Variants in PLXNB2 observed in about 807,000 individuals in gnomAD.
PLXNB2 encodes the protein plexin-B2.
In PLXNB2, 85 loss-of-function variants were observed where a neutral mutation model predicts 202.6. That is an observed-to-expected ratio of 0.42 (90% CI 0.35 to 0.50). The LOEUF is 0.50. Ranked by LOEUF, PLXNB2 falls within the 20% of genes least tolerant of loss-of-function variation. The pLI is 0.02. For missense variants in PLXNB2, 2,063 were observed against 2,586.2 expected, an observed-to-expected ratio of 0.80 and a Z score of 4.39; for synonymous variants, 1,239 against 1,137.6, an observed-to-expected ratio of 1.09 and a Z score of -1.79.
intron 31 of PLXNB2, 49 bp from the exon 32 acceptor site, chr22:50,278,062 G>A (rs1054417427): frequency 3.8e-6 from 6 of 1,599,630 alleles, no homozygotes; most frequent in Non-Finnish European, 5.1e-6. Context: ...GGCTCCTGGG[G>A]GGGAGGGTCT....
chr22:50,297,441 TCCCTGGCC>T lies in PLXNB2; in HGVS notation c.-73-2671_-73-2664del, dbSNP rs1354483863. 7.9e-5 allele frequency among the ~76,000 whole-genome samples: 12 copies of T among 152,156 alleles called. No individual in the cohort carries two copies. Among genetic ancestry groups the T allele is most frequent in the African/African-American group, 2.4e-4 (10 of 41,438 alleles). ...TGGAGGAGGCTTTCTGCCGTCCTCT[TCCCTGGCC>T]CTCACCGTGGAGAACGGCCATGGAT... On this transcript the variant is annotated intron_variant, in intron 1 of 36. Transcript: ENST00000359337. The surrounding 1 kb of genome is among the most constrained non-coding windows in gnomAD (Gnocchi z 5.3).
At chr22:50,282,467 C>G (rs1363811328) in intron 18 of PLXNB2, 154 bp from the exon 19 acceptor site, 1 of 813,390 alleles carries the variant, frequency 1.2e-6, no homozygotes, top group Admixed American at 2.9e-5. Flanking sequence ...GTGGGACGTG[C>G]TGAGCACGAG....
intron 35 of PLXNB2, among the ~76,000 whole-genome samples, chr22:50,276,357 C>G (rs964495907): frequency 1.8e-3 from 43 of 24,256 alleles, no homozygotes; most frequent in African/African-American, 2.8e-3. Context: ...GCCGAGGGTG[C>G]AGCCGCAGGG....
chr22:50,285,924 G>A (rs755736981), intron 10 of PLXNB2, 23 bp from the exon 11 acceptor site: 2 of 1,608,148 alleles, frequency 1.2e-6, no homozygotes, highest in Admixed American at 1.7e-5. Context: ...GGCTGGTCAG[G>A]TGCTGCCTGG....
chr22:50,307,383 C>T (rs955536863), intron 1 of PLXNB2, among the ~76,000 whole-genome samples, 170 bp downstream of exon 1: 17 of 151,386 alleles, frequency 1.1e-4, no homozygotes, highest in Non-Finnish European at 2.4e-4. Context: ...CGGGCCTCGC[C>T]GGATGGACCG....
rs758772028 is a variant in PLXNB2 at position 50,283,708 on chromosome 22, T to C, written c.2464A>G (p.Thr822Ala). ...ACGCCCAAATTGGACCCCAGGATGGTGATGCGGATGCCCCCACCCAGGGGG... is the reference window on the plus strand; with the variant it reads ...ACGCCCAAATTGGACCCCAGGATGGCGATGCGGATGCCCCCACCCAGGGGG... ...TGPLGGGIRI[T>A]ILGSNLGVQA... Residue 822 changes from threonine to alanine, a missense_variant, in exon 15 of 37, where the codon ACC (threonine) becomes GCC (alanine). Coordinates refer to ENST00000359337, the MANE Select transcript of PLXNB2 (RefSeq NM_012401.4). 1.2e-6 allele frequency: 2 copies of C among 1,612,402 alleles called. No homozygotes were observed. Among genetic ancestry groups the C allele is most frequent in the Admixed American group, 3.3e-5 (2 of 59,936 alleles).
intron 2 of PLXNB2, among the ~76,000 whole-genome samples, chr22:50,292,751 G>C (rs1339303091): frequency 6.6e-6 from 1 of 152,186 alleles, no homozygotes; most frequent in Non-Finnish European, 1.5e-5. Context: ...CCCCCGTTCT[G>C]ATTGCCCGCA....
chr22:50,290,441 C>T lies in PLXNB2; in HGVS notation c.144G>A (p.Leu48=), dbSNP rs1327908400. Residue 48 remains leucine (L), a synonymous_variant, in exon 3 of 37, where the codon CTG becomes CTA. Transcript: ENST00000359337. The stretch of plus-strand genomic sequence containing the variant: ...GCTGGTAGAGGGCATTCACCGCCCC[C>T]AGGTACACCACGCCTGAGGCCTCAT... ...AVDEASGVVY[L]GAVNALYQLD... The T allele has an allele frequency of 6.2e-7, 1 of 1,612,842 alleles. No individual in the cohort carries two copies. The highest frequency in any genetic ancestry group is 8.5e-7 in the Non-Finnish European group (1 of 1,180,008).
intron 11 of PLXNB2, among the ~76,000 whole-genome samples, chr22:50,285,242 C>A (rs1249799863): frequency 2.4e-5 from 3 of 125,122 alleles, no homozygotes; most frequent in African/African-American, 9.4e-5. Flanking sequence ...TGCCTGTCAC[C>A]GGCCGGCACC....
At chr22:50,301,725 G>A (rs1363019749) in intron 1 of PLXNB2, among the ~76,000 whole-genome samples, 2 of 152,242 alleles carry the variant, frequency 1.3e-5, no homozygotes, top group Non-Finnish European at 2.9e-5. Context: ...CGGGGTGGGC[G>A]TTGGGGGGTG....
At chr22:50,307,097 C>T (rs1051391241) in intron 1 of PLXNB2, among the ~76,000 whole-genome samples, 1 of 152,138 alleles carries the variant, frequency 6.6e-6, no homozygotes, top group African/African-American at 2.4e-5. Flanking sequence ...GGGTGCTCTC[C>T]GCCCTGGTCC....
chr22:50,277,974 C>T lies in PLXNB2; in HGVS notation c.4927G>A (p.Val1643Met). ...QQFVDNFFQS[V>M]LAPGHAVPPA... ...GGCACCGCGTGCCCAGGCGCCAGCA[C>T]GCTCTGGAAGAAGTTGTCCACAAAC... The change falls in exon 32 of 37, where the codon GTG becomes ATG. Residue 1643 changes from valine (V) to methionine (M), a missense_variant. Around this residue, in one of 2 missense-constraint regions of PLXNB2, gnomAD observed 760 missense variants for 1,109.4 expected, o/e 0.69. Transcript: ENST00000359337. The T allele has an allele frequency of 2.5e-6, 4 of 1,612,982 alleles. No homozygotes were observed. The highest frequency in any genetic ancestry group is 1.1e-5 in the South Asian group (1 of 91,080).
At chr22:50,292,762 C>T (rs528352360) in intron 2 of PLXNB2, among the ~76,000 whole-genome samples, 28 of 152,348 alleles carry the variant, frequency 1.8e-4, no homozygotes, top group African/African-American at 6.0e-4. Flanking sequence ...ATTGCCCGCA[C>T]GCTTCCTGAA....
At position 50,289,946 on chromosome 22, in the gene PLXNB2, G is replaced by A. The variant is rs2066752404; in HGVS notation, c.639C>T (p.Thr213=). ...AGGCCGCCACGAACTGCTGTGTGTT[G>A]GTGGACAGGTAGCCGGCCTTGTAGG... The part of the protein sequence containing the change: ...HATYKAGYLS[T]NTQQFVAAFE... The change falls in exon 3 of 37, where the codon ACC becomes ACT. Residue 213 remains threonine, a synonymous_variant. Coordinates refer to ENST00000359337, the MANE Select transcript of PLXNB2 (RefSeq NM_012401.4). The surrounding 1 kb of genome is among the most constrained non-coding windows in gnomAD (Gnocchi z 8.0). 6.2e-7 allele frequency: 1 copy of A among 1,613,224 alleles called. No homozygotes were observed. The highest frequency in any genetic ancestry group is 1.3e-5 in the African/African-American group (1 of 74,946).
In PLXNB2 at chr22:50,281,962, A is replaced by G. The variant is rs1194466734; in HGVS notation, c.3237T>C (p.Arg1079=). 11 of 1,613,112 alleles carry G rather than the reference A, an allele frequency of 6.8e-6. No homozygotes were observed. The highest frequency in any genetic ancestry group is 9.3e-6 in the Non-Finnish European group (11 of 1,179,992). Residue 1079 remains arginine (R), a synonymous_variant, in exon 20 of 37, where the codon CGT becomes CGC. Coordinates refer to ENST00000359337, the MANE Select transcript of PLXNB2 (RefSeq NM_012401.4). ...LTVLIEMDGH[R]ALLRTEAGAF... ...CCCCGGCCTCTGTTCTGAGCAGGGC[A>G]CGGTGCCCGTCCATCTCGATCAGCA... is the stretch of plus-strand genomic sequence containing the variant.
At position 50,290,491 on chromosome 22, in the gene PLXNB2, T is replaced by C; in HGVS notation, c.94A>G (p.Lys32Glu). ...TCCACAGCCAGGTGGTTCAGCTCTT[T>C]CTCGCTGCGGAAGAAGTCCAGCTTG... ...PRKLDFFRSE[K>E]ELNHLAVDEA... Residue 32 changes from lysine (K) to glutamate (E), a missense_variant, in exon 3 of 37, where the codon AAA (lysine) becomes GAA (glutamate). Coordinates refer to ENST00000359337, the MANE Select transcript of PLXNB2 (RefSeq NM_012401.4). The C allele has an allele frequency of 6.2e-7, 1 of 1,612,808 alleles. No individual in the cohort carries two copies. The highest frequency in any genetic ancestry group is 8.5e-7 in the Non-Finnish European group (1 of 1,179,980).
chr22:50,287,531 T>G (rs930636971), intron 7 of PLXNB2, 136 bp downstream of exon 7: 2 of 996,706 alleles, frequency 2.0e-6, no homozygotes, highest in Non-Finnish European at 2.9e-6. Flanking sequence ...GCTCCATCCC[T>G]AAGGCTCGGT....
intron 1 of PLXNB2, among the ~76,000 whole-genome samples, chr22:50,305,736 C>G (rs1455066527): frequency 6.6e-6 from 1 of 152,172 alleles, no homozygotes; most frequent in Non-Finnish European, 1.5e-5. Flanking sequence ...TGTCCCTGAA[C>G]TTGGGCCTGG....
intron 17 of PLXNB2, 24 bp from the exon 18 acceptor site, chr22:50,282,905 T>C: frequency 6.3e-7 from 1 of 1,589,724 alleles, no homozygotes; most frequent in Non-Finnish European, 8.6e-7. Context: ...GGTGCTGGTC[T>C]GCATCAACCC....
Sources: gnomAD v4.1 joint callset for allele counts (sites outside exome capture counted in the v4.1 genomes callset) on GRCh38, gnomAD v4.1.1 for gene constraint, gnomAD v4.1.1 regional missense constraint, Gnocchi (gnomAD v3.1) non-coding constraint, MANE v1.5 for transcripts, NCBI Gene and HGNC (gene_info 2026-07-23, HGNC 2026-07-21) for gene names.